Variants in CYP11A1 observed in about 807,000 individuals in gnomAD.
The protein encoded by CYP11A1 is cytochrome P450 family 11 subfamily A member 1.
A neutral mutation model predicts 51.9 loss-of-function variants in CYP11A1; 25 were observed. The observed-to-expected ratio is 0.48, with a 90% CI of 0.35 to 0.67. The LOEUF is 0.67. Among genes scored for constraint, CYP11A1 ranks in the 30% least tolerant of loss-of-function variants. The probability of loss-of-function intolerance (pLI) is 0.00; values close to 1 mark genes in which losing one functional copy is unlikely to be tolerated. For synonymous variants in CYP11A1, 245 were observed against 262.1 expected, an observed-to-expected ratio of 0.93 and a Z score of 0.63; for missense variants, 578 against 680.9, an observed-to-expected ratio of 0.85 and a Z score of 1.68.
At chr15:74,341,250 G>A (rs185051057) in intron 5 of CYP11A1, among the ~76,000 whole-genome samples, 1 of 152,302 alleles carries the variant, frequency 6.6e-6, no homozygotes, top group Admixed American at 6.5e-5. Context: ...CTTAATAAAT[G>A]TGACCTCACA....
chr15:74,343,590 A>T (rs1488320940), intron 4 of CYP11A1, among the ~76,000 whole-genome samples, 199 bp downstream of exon 4: 1 of 152,120 alleles, frequency 6.6e-6, no homozygotes, highest in African/African-American at 2.4e-5. Flanking sequence ...CTTTTTCCAG[A>T]AAAATCTAAT....
chr15:74,349,872 G>A (rs533341814), intron 1 of CYP11A1, among the ~76,000 whole-genome samples: 190 of 152,202 alleles, frequency 1.2e-3, no homozygotes, highest in African/African-American at 4.3e-3. Flanking sequence ...GATCACTTGC[G>A]CCCAGGAATT....
intron 6 of CYP11A1, 74 bp downstream of exon 6, chr15:74,339,513 C>T (rs894165406): frequency 1.6e-5 from 26 of 1,580,008 alleles, no homozygotes; most frequent in Non-Finnish European, 2.0e-5. Context: ...ATCCTCGTAA[C>T]CCTTTCCCCG....
intron 1 of CYP11A1, among the ~76,000 whole-genome samples, chr15:74,355,984 C>T (rs1378809491): frequency 1.3e-5 from 2 of 152,190 alleles, no homozygotes; most frequent in East Asian, 1.9e-4. Context: ...AATTAGAATC[C>T]GGCCCTCAAA....
Position 74,343,129 on chromosome 15 carries a change from A to AT in CYP11A1, c.837dup (p.Tyr280IlefsTer62). On this transcript the variant is annotated frameshift_variant, in exon 5 of 9. Transcript: ENST00000268053. LOFTEE classifies it high-confidence loss of function. ...AATTCCCAGTAGAAGTTCTGGGTGT[A>AT]TATGTCAGCTGTGGGGAAGGAGGAA... The AT allele has an allele frequency of 6.2e-7, 1 of 1,613,672 alleles. No individual in the cohort carries two copies. Among genetic ancestry groups the AT allele is most frequent in the Non-Finnish European group, 8.5e-7 (1 of 1,179,968 alleles).
In CYP11A1 at chr15:74,365,864, C is replaced by T. The variant is rs1045830854; in HGVS notation, c.269+1453G>A. On this transcript the variant is annotated intron_variant, in intron 1 of 8. Coordinates refer to ENST00000268053, the MANE Select transcript of CYP11A1 (RefSeq NM_000781.3). ...CATACCGGGTCGCTCCCTGCTTCGC[C>T]GCCGCCTCCTGGCAGGGCCAGCGAA... is the stretch of plus-strand genomic sequence containing the variant. 6 of 985,194 alleles carry T rather than the reference C, an allele frequency of 6.1e-6. No homozygotes were observed. In the African/African-American group the frequency reaches 1.0e-4, roughly 17 times the overall value. 61.0% of individuals were successfully genotyped at this position (985,194 alleles called of 1,614,324 possible).
chr15:74,344,875 G>A lies in CYP11A1; in HGVS notation c.625+169C>T, dbSNP rs746570566. 247 of 720,244 alleles carry A rather than the reference G, an allele frequency of 3.4e-4. 2 individuals are homozygous for A. The Middle Eastern group carries it at 5.0e-3, about 15-fold the overall frequency. 44.6% of individuals were successfully genotyped at this position (720,244 alleles called of 1,614,324 possible). ...GGGTCTCACTCTGTTGCCCAGGGTG[G>A]TCTTAAATTGCCTCTGAGTAGCAGG... On this transcript the variant is annotated intron_variant, in intron 3 of 8. Transcript: ENST00000268053.
chr15:74,365,657 C>T, intron 1 of CYP11A1: 3 of 984,884 alleles, frequency 3.0e-6, no homozygotes, highest in Non-Finnish European at 3.6e-6. Context: ...CCACCACCAT[C>T]CCAGGCCTGG....
At chr15:74,366,277 A>AT (rs759681873) in intron 1 of CYP11A1, 81,474 of 766,362 alleles carry the variant, frequency 0.11, 126 homozygotes, top group Non-Finnish European at 0.11. Flanking sequence ...CCCTCCCCCG[A>AT]TTTTTTTTTT....
chr15:74,338,400 AAG>A (rs1451638688), intron 8 of CYP11A1, 169 bp downstream of exon 8: 1 of 780,290 alleles, frequency 1.3e-6, no homozygotes, highest in Non-Finnish European at 2.2e-6. Flanking sequence ...TTGAGCCCGA[AAG>A]AGGGGGCAGC....
At chr15:74,344,030 C>T (rs566445308) in intron 3 of CYP11A1, 38 bp from the exon 4 acceptor site, 48 of 1,588,534 alleles carry the variant, frequency 3.0e-5, no homozygotes, top group Middle Eastern at 1.7e-4. Flanking sequence ...CCATTTCTGA[C>T]GGGGCCATCT....
At chr15:74,364,242 A>G (rs935625617) in intron 1 of CYP11A1, 21 of 152,786 alleles carry the variant, frequency 1.4e-4, no homozygotes, top group Admixed American at 8.5e-4. Context: ...ATGATCCCCA[A>G]TAGGTAGGGA....
At position 74,367,577 on chromosome 15, in the gene CYP11A1, G is replaced by A; in HGVS notation, c.9C>T (p.Ala3=). Residue 3 remains alanine (A), a synonymous_variant, in exon 1 of 9, where the codon GCC becomes GCT. Transcript: ENST00000268053. ...GGACTGAGCGTGGGGGAAGACCCTT[G>A]GCCAGCATGCTGTCCCCACAGCTGT... The part of the protein sequence containing the change: ML[A]KGLPPRSVLV... 6.2e-7 allele frequency: 1 copy of A among 1,613,678 alleles called. No individual in the cohort carries two copies. The highest frequency in any genetic ancestry group is 2.2e-5 in the East Asian group (1 of 44,876).
intron 1 of CYP11A1, chr15:74,366,904 CG>C (rs2060736090): frequency 5.2e-6 from 1 of 192,948 alleles, no homozygotes; most frequent in African/African-American, 2.4e-5. Context: ...TTAGTAGAGA[CG>C]GGGTTTCATC....
Position 74,337,896 on chromosome 15 carries a change from C to T in CYP11A1, c.*76G>A, listed in dbSNP as rs571633868. The T allele has an allele frequency of 6.5e-5, 104 of 1,594,754 alleles. 1 individual carries two copies. Among genetic ancestry groups the T allele is most frequent in the African/African-American group, 3.2e-4 (24 of 74,490 alleles). ...AGAAAGGAGCAGGACTTGGGACAGA[C>T]GACTGAAGATGCAGAGACCCCATGG... On this transcript the variant is annotated 3_prime_UTR_variant, in exon 9 of 9. Coordinates refer to ENST00000268053, the MANE Select transcript of CYP11A1 (RefSeq NM_000781.3).
intron 1 of CYP11A1, chr15:74,365,743 G>A: frequency 1.0e-6 from 1 of 985,526 alleles, no homozygotes; most frequent in Non-Finnish European, 1.2e-6. Flanking sequence ...GGCTCCGGTG[G>A]GCTCGGGTGA....
Position 74,338,379 on chromosome 15 carries a change from G to A in CYP11A1, c.1434+192C>T, listed in dbSNP as rs2060589360. ...AATGGATGGCCAGGGGCATCAGTGG[G>A]TGATGAGTGGTTGAGCCCGAAAGAG... On this transcript the variant is annotated intron_variant, in intron 8 of 8. Coordinates refer to ENST00000268053, the MANE Select transcript of CYP11A1 (RefSeq NM_000781.3). The A allele has an allele frequency of 5.5e-6, 4 of 728,048 alleles. No homozygotes were observed. The Admixed American group carries it at 6.1e-5, about 11-fold the overall frequency. 45.1% of individuals were successfully genotyped at this position (728,048 alleles called of 1,614,324 possible).
At chr15:74,344,795 T>A (rs1448135852) in intron 3 of CYP11A1, 12 of 550,582 alleles carry the variant, frequency 2.2e-5, no homozygotes, top group African/African-American at 3.8e-5. Flanking sequence ...CCCTTGCTCC[T>A]ACAGCACAAA....
At chr15:74,349,997 A>T (rs1265138929) in intron 1 of CYP11A1, among the ~76,000 whole-genome samples, 2 of 152,200 alleles carry the variant, frequency 1.3e-5, no homozygotes, top group Non-Finnish European at 2.9e-5. Flanking sequence ...AAGGAAGAAG[A>T]TATAAATAAA....
Sources: allele counts gnomAD v4.1 joint callset (sites outside exome capture counted in the v4.1 genomes callset), GRCh38; gene constraint gnomAD v4.1.1; transcripts MANE v1.5; gene names NCBI Gene and HGNC (gene_info 2026-07-23, HGNC 2026-07-21).